Variants in NCOA2 observed in about 807,000 individuals in gnomAD.
The protein encoded by NCOA2 is nuclear receptor coactivator 2.
In NCOA2, 21 loss-of-function variants were observed where a neutral mutation model predicts 145.1. The observed-to-expected ratio is 0.14, with a 90% CI of 0.10 to 0.21. The LOEUF is 0.21. Among genes scored for constraint, NCOA2 ranks in the 10% least tolerant of loss-of-function variants. NCOA2 has a pLI of 1.00. For synonymous variants in NCOA2, 619 were observed against 637.5 expected, an observed-to-expected ratio of 0.97 and a Z score of 0.44; for missense variants, 1,472 against 1,837.6, an observed-to-expected ratio of 0.80 and a Z score of 3.64.
At chr8:70,191,664 C>G (rs947501138) in intron 4 of NCOA2, among the ~76,000 whole-genome samples, 4 of 152,068 alleles carry the variant, frequency 2.6e-5, no homozygotes, top group African/African-American at 9.7e-5. Context: ...GAGACATACA[C>G]AAATGGGATA....
intron 1 of NCOA2, among the ~76,000 whole-genome samples, chr8:70,397,267 C>T (rs1813758043): frequency 6.6e-6 from 1 of 152,092 alleles, no homozygotes; most frequent in South Asian, 2.1e-4. Flanking sequence ...GCCTGGCCAA[C>T]ATGGTGAAAC....
chr8:70,365,051 G>A lies in NCOA2; in HGVS notation c.-77+38649C>T, dbSNP rs140841077. 6.0e-4 allele frequency among the ~76,000 whole-genome samples: 92 copies of A among 152,262 alleles called. 2 individuals are homozygous for A. In the Middle Eastern group the frequency reaches 0.01, roughly 17 times the overall value. On this transcript the variant is annotated intron_variant, in intron 1 of 22. Coordinates refer to ENST00000452400, the MANE Select transcript of NCOA2 (RefSeq NM_006540.4). The stretch of plus-strand genomic sequence containing the variant: ...AGTGCCAACTCTTTAGAACATATGT[G>A]TCTGGGCTCAGTAGCTCATGTGTGT...
chr8:70,158,299 C>T (rs978039915), intron 10 of NCOA2, among the ~76,000 whole-genome samples: 1 of 152,124 alleles, frequency 6.6e-6, no homozygotes, highest in Non-Finnish European at 1.5e-5. Flanking sequence ...ATAAAGTTTT[C>T]CACAGCATAA....
At chr8:70,306,250 T>C (rs1827880812) in intron 1 of NCOA2, among the ~76,000 whole-genome samples, 6 of 152,200 alleles carry the variant, frequency 3.9e-5, no homozygotes, top group Admixed American at 3.9e-4. Context: ...AAGAGATTAG[T>C]ACCTCTACTG....
intron 13 of NCOA2, among the ~76,000 whole-genome samples, 171 bp downstream of exon 13, chr8:70,144,471 G>T (rs548482382): frequency 6.6e-6 from 1 of 152,212 alleles, no homozygotes; most frequent in Admixed American, 6.5e-5. Context: ...TCACCCAAAG[G>T]CTTTCCCACA....
At chr8:70,380,667 A>G (rs1812105783) in intron 1 of NCOA2, among the ~76,000 whole-genome samples, 1 of 152,062 alleles carries the variant, frequency 6.6e-6, no homozygotes, top group African/African-American at 2.4e-5. Context: ...GCCTAATTGC[A>G]CTATTATTAC....
the NCOA2 span, among the ~76,000 whole-genome samples, chr8:70,436,295 A>T: frequency 7.9e-5 from 12 of 152,238 alleles, no homozygotes; most frequent in South Asian, 4.1e-4. Flanking sequence ...AAATTTTAAA[A>T]TTTTTTCCAA....
chr8:70,132,166 A>G (rs972704723), intron 15 of NCOA2, among the ~76,000 whole-genome samples, 164 bp from the exon 16 acceptor site: 19 of 152,318 alleles, frequency 1.2e-4, no homozygotes, highest in African/African-American at 4.3e-4. Flanking sequence ...AATATTCGAT[A>G]CACTTTATTC....
upstream of NCOA2, among the ~76,000 whole-genome samples, chr8:70,405,001 C>G (rs1037575720): frequency 1.3e-5 from 2 of 152,180 alleles, no homozygotes; most frequent in African/African-American, 4.8e-5. Flanking sequence ...TGAACACTTA[C>G]TGTGAATCTG....
At chr8:70,442,727 A>T in the NCOA2 span, among the ~76,000 whole-genome samples, 22 of 152,294 alleles carry the variant, frequency 1.4e-4, no homozygotes, top group African/African-American at 3.4e-4. Flanking sequence ...TGCAGTCCCA[A>T]CATACCAAGG....
At chr8:70,149,353 G>T (rs567614822) in intron 11 of NCOA2, among the ~76,000 whole-genome samples, 28 of 150,876 alleles carry the variant, frequency 1.9e-4, no homozygotes, top group African/African-American at 6.6e-4. Context: ...TGCCACCTGA[G>T]CCTCCTCAGT....
chr8:70,207,862 C>CAAAAAAAAA (rs754670876), intron 4 of NCOA2, among the ~76,000 whole-genome samples: 6 of 36,118 alleles, frequency 1.7e-4, no homozygotes, highest in Admixed American at 3.5e-4. Context: ...GACTCCACCT[C>CAAAAAAAAA]AAAAAAAAAA....
At chr8:70,157,320 T>G in intron 10 of NCOA2, 80 bp from the exon 11 acceptor site, 1 of 1,257,486 alleles carries the variant, frequency 8.0e-7, no homozygotes, top group Non-Finnish European at 1.1e-6. Flanking sequence ...AAAAATGATA[T>G]GGCCTCTTCA....
At chr8:70,336,257 A>G (rs1484248903) in intron 1 of NCOA2, among the ~76,000 whole-genome samples, 2 of 152,186 alleles carry the variant, frequency 1.3e-5, no homozygotes, top group Non-Finnish European at 2.9e-5. Context: ...AAGTACCTTT[A>G]TAATCTTATG....
intron 2 of NCOA2, among the ~76,000 whole-genome samples, chr8:70,290,928 AT>A (rs1187942191): frequency 2.6e-5 from 4 of 152,254 alleles, no homozygotes; most frequent in Non-Finnish European, 5.9e-5. Flanking sequence ...TGCCTAGAAA[AT>A]AACATACATC....
intron 1 of NCOA2, among the ~76,000 whole-genome samples, chr8:70,317,490 C>A (rs890769994): frequency 1.3e-5 from 2 of 152,106 alleles, no homozygotes; most frequent in Non-Finnish European, 2.9e-5. Context: ...TTGAGAGATC[C>A]AATATTCAAC....
chr8:70,445,941 A>C, the NCOA2 span, among the ~76,000 whole-genome samples: 4 of 152,332 alleles, frequency 2.6e-5, no homozygotes, highest in East Asian at 3.9e-4. Flanking sequence ...GAAAAAATAC[A>C]TTCTATCATA....
chr8:70,340,325 C>A (rs1808011861), intron 1 of NCOA2, among the ~76,000 whole-genome samples: 3 of 152,102 alleles, frequency 2.0e-5, no homozygotes, highest in Non-Finnish European at 4.4e-5. Flanking sequence ...ATGCAGCCAA[C>A]AAACATATGA....
At chr8:70,450,434 A>G in the NCOA2 span, among the ~76,000 whole-genome samples, 46 of 152,230 alleles carry the variant, frequency 3.0e-4, no homozygotes, top group African/African-American at 1.1e-3. Flanking sequence ...CCAGACACTG[A>G]ATTTGCCGGT....
Sources: gnomAD v4.1 joint callset for allele counts (sites outside exome capture counted in the v4.1 genomes callset) on GRCh38, gnomAD v4.1.1 for gene constraint, MANE v1.5 for transcripts, NCBI Gene and HGNC (gene_info 2026-07-23, HGNC 2026-07-21) for gene names.